The following NYAP2 variants were observed in gnomAD, a reference collection of about 807,000 sequenced individuals.
NYAP2 encodes the protein neuronal tyrosine-phosphorylated phosphoinositide-3-kinase adapter 2.
In NYAP2, 23 loss-of-function variants were observed where a neutral mutation model predicts 50.4. That is an observed-to-expected ratio of 0.46 (90% CI 0.33 to 0.65). The LOEUF is 0.65. NYAP2 is among the 30% of genes least tolerant of loss of function. NYAP2 has a pLI of 0.02. For missense variants in NYAP2, 885 were observed against 861.0 expected (o/e 1.03, Z -0.35); for synonymous variants, 394 against 365.2 (o/e 1.08, Z -0.90).
At chr2:225,648,271 G>A (rs1157733402) in intron 6 of NYAP2, among the ~76,000 whole-genome samples, 1 of 152,056 alleles carries the variant, frequency 6.6e-6, no homozygotes, top group African/African-American at 2.4e-5. Context: ...AAAGTGCTGG[G>A]TTACAGGTGT....
chr2:225,542,532 T>C (rs898392707), intron 4 of NYAP2, among the ~76,000 whole-genome samples: 6 of 152,172 alleles, frequency 3.9e-5, no homozygotes, highest in Non-Finnish European at 7.4e-5. Flanking sequence ...AATGATCATA[T>C]GATTTTTATC....
intron 2 of NYAP2, among the ~76,000 whole-genome samples, chr2:225,401,886 A>T (rs1414038451): frequency 6.6e-6 from 1 of 151,998 alleles, no homozygotes; most frequent in Non-Finnish European, 1.5e-5. Context: ...AAAAGCTTAC[A>T]TGATGTAGTT....
At chr2:225,401,269 A>T (rs772443146) in intron 2 of NYAP2, among the ~76,000 whole-genome samples, 8 of 152,122 alleles carry the variant, frequency 5.3e-5, no homozygotes, top group Non-Finnish European at 1.0e-4. Context: ...TTACATTACC[A>T]TGGAAATGGT....
Position 225,648,046 on chromosome 2 carries a change from G to C in NYAP2, c.1829-3386G>C, listed in dbSNP as rs188274130. Among the ~76,000 whole-genome samples, 110 of 152,186 alleles carry C rather than the reference G, an allele frequency of 7.2e-4. 2 individuals are homozygous for C. In the East Asian group the frequency reaches 0.017, roughly 24 times the overall value. ...ATGGAGTTTTGCTCTTGTTGCCCAG[G>C]CTGGAGTGCAATGGCATGGTCTTGG... On this transcript the variant is annotated intron_variant, in intron 6 of 6. Coordinates refer to ENST00000636099, the Ensembl canonical transcript of NYAP2.
intron 6 of NYAP2, among the ~76,000 whole-genome samples, chr2:225,627,697 T>C (rs904813361): frequency 2.0e-5 from 3 of 152,230 alleles, no homozygotes; most frequent in Non-Finnish European, 4.4e-5. Context: ...AGAATGTACC[T>C]TTAAATGTCA....
At chr2:225,577,088 CA>C (rs1692181314) in intron 4 of NYAP2, among the ~76,000 whole-genome samples, 1 of 151,802 alleles carries the variant, frequency 6.6e-6, no homozygotes, top group Non-Finnish European at 1.5e-5. Flanking sequence ...GGTGAATTTC[CA>C]AAATTAACTG....
chr2:225,688,828 T>C, the NYAP2 span, among the ~76,000 whole-genome samples: 1 of 152,174 alleles, frequency 6.6e-6, no homozygotes, highest in East Asian at 1.9e-4. Context: ...TTGCAACCTC[T>C]GCCTCCTGGG....
At chr2:225,513,372 A>T in exon 4 of NYAP2, 1 of 1,613,930 alleles carries the variant, frequency 6.2e-7, no homozygotes, top group Non-Finnish European at 8.5e-7. Context: ...CTTTTACAGC[A>T]TAGGTGGAGA....
intron 5 of NYAP2, among the ~76,000 whole-genome samples, chr2:225,622,563 C>CTT (rs1276055236): frequency 0.079 from 3,430 of 43,374 alleles, 72 homozygotes; most frequent in Non-Finnish European, 0.099. Flanking sequence ...CTTTCTTTTT[C>CTT]TTTCTTTCTT....
intron 4 of NYAP2, among the ~76,000 whole-genome samples, chr2:225,538,419 G>A (rs1281853623): frequency 1.3e-5 from 2 of 152,244 alleles, no homozygotes; most frequent in East Asian, 3.9e-4. Flanking sequence ...TGCACTGGCA[G>A]GCTCAACACC....
intron 5 of NYAP2, among the ~76,000 whole-genome samples, chr2:225,591,311 G>T (rs1692498581): frequency 6.6e-6 from 1 of 152,122 alleles, no homozygotes; most frequent in South Asian, 2.1e-4. Flanking sequence ...GTTGATGACT[G>T]GGCCAAGGAG....
intron 3 of NYAP2, among the ~76,000 whole-genome samples, chr2:225,507,145 A>T (rs1343381018): frequency 6.6e-6 from 1 of 152,184 alleles, no homozygotes; most frequent in Non-Finnish European, 1.5e-5. Context: ...TCTATCAATC[A>T]TTATCTAGCT....
chr2:225,563,780 T>G (rs1691914191), intron 4 of NYAP2, among the ~76,000 whole-genome samples: 1 of 152,156 alleles, frequency 6.6e-6, no homozygotes. Flanking sequence ...TACTTTCAAA[T>G]TAGTTTTAGA....
chr2:225,496,256 C>A (rs913624889), intron 3 of NYAP2, among the ~76,000 whole-genome samples: 2 of 151,984 alleles, frequency 1.3e-5, no homozygotes, highest in African/African-American at 4.8e-5. Context: ...AGTGAGGTTA[C>A]TGGTAATCAA....
intron 3 of NYAP2, among the ~76,000 whole-genome samples, chr2:225,507,112 G>A (rs757539254): frequency 7.9e-5 from 12 of 152,144 alleles, no homozygotes; most frequent in Non-Finnish European, 1.8e-4. Context: ...GCATAAAAGA[G>A]GATCAATATC....
intron 5 of NYAP2, among the ~76,000 whole-genome samples, chr2:225,594,768 A>G (rs1395733157): frequency 2.0e-5 from 3 of 152,192 alleles, no homozygotes; most frequent in African/African-American, 7.2e-5. Context: ...AAATGTCTGT[A>G]GTGGTGCATG....
intron 3 of NYAP2, among the ~76,000 whole-genome samples, chr2:225,489,403 G>A (rs144417539): frequency 2.8e-4 from 43 of 151,858 alleles, no homozygotes; most frequent in Middle Eastern, 3.4e-3. Flanking sequence ...TCACCATGTT[G>A]GCCAGGGTGG....
the NYAP2 span, among the ~76,000 whole-genome samples, chr2:225,670,858 C>T: frequency 1.3e-5 from 2 of 151,982 alleles, no homozygotes; most frequent in South Asian, 4.1e-4. Flanking sequence ...TTTTCCAGTA[C>T]ATAGAAAAAT....
At chr2:225,513,626 C>T (rs762374521) in exon 4 of NYAP2, 2 of 1,534,980 alleles carry the variant, frequency 1.3e-6, no homozygotes, top group East Asian at 2.3e-5. Flanking sequence ...AGACAGTCAG[C>T]AGCACTGCAG....
Sources: gnomAD v4.1 joint callset for allele counts (sites outside exome capture counted in the v4.1 genomes callset) on GRCh38, gnomAD v4.1.1 for gene constraint, MANE v1.5 for transcripts, NCBI Gene and HGNC (gene_info 2026-07-23, HGNC 2026-07-21) for gene names.